The following GARNL3 variants were observed in gnomAD, a reference collection of about 807,000 sequenced individuals.
GARNL3 encodes GTPase activating Rap/RanGAP domain like 3.
In GARNL3, 63 loss-of-function variants were observed where a neutral mutation model predicts 125.0. That is an observed-to-expected ratio of 0.50 (90% confidence interval 0.41 to 0.62). GARNL3 has a LOEUF of 0.62. Among genes scored for constraint, GARNL3 ranks in the 20% least tolerant of loss-of-function variants. The pLI is 0.00. For synonymous variants in GARNL3, 439 were observed against 457.5 expected (o/e 0.96, Z 0.52); for missense variants, 994 against 1,244.0 (o/e 0.80, Z 3.02).
At chr9:127,268,541 G>T (rs759685147) in intron 1 of GARNL3, among the ~76,000 whole-genome samples, 1 of 151,858 alleles carries the variant, frequency 6.6e-6, no homozygotes, top group Non-Finnish European at 1.5e-5. Flanking sequence ...TTCTTTTTTA[G>T]TTTATTTTTT....
At chr9:127,327,447 G>A (rs1010116000) in intron 7 of GARNL3, among the ~76,000 whole-genome samples, 1 of 152,224 alleles carries the variant, frequency 6.6e-6, no homozygotes, top group Non-Finnish European at 1.5e-5. Flanking sequence ...TGAACATGTG[G>A]ATGTAAATAC....
chr9:127,375,452 CAA>C, intron 22 of GARNL3, among the ~76,000 whole-genome samples: 1 of 130,452 alleles, frequency 7.7e-6, no homozygotes, highest in South Asian at 2.4e-4. Flanking sequence ...GGTGACAGAG[CAA>C]GACTCTGTCT....
chr9:127,285,941 A>G (rs1296971814), intron 1 of GARNL3, among the ~76,000 whole-genome samples: 2 of 152,182 alleles, frequency 1.3e-5, no homozygotes, highest in Non-Finnish European at 2.9e-5. Context: ...AGGGAAATGT[A>G]ACCAATTCAT....
chr9:127,385,002 A>G lies in GARNL3; in HGVS notation c.2270-25A>G, dbSNP rs1164796163. ...CGCGGCCACCAAGCCAGCAGCTGGG[A>G]GGTGACACTCCCGTTCCCTTGCAGT... is the stretch of plus-strand genomic sequence containing the variant. On this transcript the variant is annotated intron_variant, in intron 23 of 27. Transcript: ENST00000373387. This position sits in a 1 kb window ranked among gnomAD's most constrained non-coding sequence, Gnocchi z 4.1. 6.8e-7 allele frequency: 1 copy of G among 1,466,466 alleles called. No individual in the cohort carries two copies. Among genetic ancestry groups the G allele is most frequent in the South Asian group, 1.2e-5 (1 of 84,784 alleles). The allele number at this position is 1,466,466 out of a possible 1,614,324, so 90.8% of individuals were successfully genotyped here.
intron 1 of GARNL3, among the ~76,000 whole-genome samples, chr9:127,231,911 C>T (rs1261439007): frequency 6.6e-6 from 1 of 152,158 alleles, no homozygotes; most frequent in Non-Finnish European, 1.5e-5. Flanking sequence ...GTTTTTAACA[C>T]GCTCATAAAT....
chr9:127,377,411 G>T (rs1831979386), intron 22 of GARNL3, among the ~76,000 whole-genome samples: 1 of 152,122 alleles, frequency 6.6e-6, no homozygotes, highest in Non-Finnish European at 1.5e-5. Context: ...TAAAAAGTCA[G>T]TGTCTGAAAT....
At chr9:127,387,468 C>T (rs1020949525) in intron 25 of GARNL3, 137 bp downstream of exon 25, 8 of 897,874 alleles carry the variant, frequency 8.9e-6, no homozygotes, top group South Asian at 7.3e-5. Context: ...ACTAGCTGAG[C>T]GTGGTGGCTC....
intron 1 of GARNL3, among the ~76,000 whole-genome samples, chr9:127,273,882 C>G (rs1439779650): frequency 1.3e-5 from 2 of 152,102 alleles, no homozygotes; most frequent in African/African-American, 4.8e-5. Context: ...CTAGGAAGCT[C>G]CGAACTCCAT....
intron 17 of GARNL3, among the ~76,000 whole-genome samples, chr9:127,349,492 G>C (rs1830315498): frequency 6.6e-6 from 1 of 151,970 alleles, no homozygotes. Flanking sequence ...ACCCATTTTT[G>C]ATGGATATAG....
At position 127,354,391 on chromosome 9, in the gene GARNL3, C is replaced by A. The variant is rs771642419; in HGVS notation, c.1740C>A (p.Asn580Lys). 1 of 1,609,324 alleles carries A rather than the reference C, an allele frequency of 6.2e-7. No homozygotes were observed. Among genetic ancestry groups the A allele is most frequent in the East Asian group, 2.2e-5 (1 of 44,782 alleles). ...AGAGCAGGTCTGACTGCAGAGAAAA[C>A]AAGTTGGAGAAAACAAAAGGTGACT... is the stretch of plus-strand genomic sequence containing the variant. Reference protein sequence around the residue: ...AGKSRSDCRENKLEKTKGCHL... With the variant: ...AGKSRSDCREKKLEKTKGCHL... The change falls in exon 19 of 28, where the codon AAC (asparagine) becomes AAA (lysine). Residue 580 changes from asparagine to lysine, a missense_variant. Around this residue, in one of 5 missense-constraint regions of GARNL3, gnomAD observed 728 missense variants for 865.7 expected, o/e 0.84. Coordinates refer to ENST00000373387, the MANE Select transcript of GARNL3 (RefSeq NM_032293.5).
upstream of GARNL3, chr9:127,264,078 A>T (rs2063649938): frequency 1.1e-6 from 1 of 895,320 alleles, no homozygotes; most frequent in African/African-American, 1.7e-5. Context: ...ATATAATTTT[A>T]TTTTCTATGT....
chr9:127,376,126 A>T (rs1433718321), intron 22 of GARNL3, among the ~76,000 whole-genome samples: 1 of 152,002 alleles, frequency 6.6e-6, no homozygotes, highest in Non-Finnish European at 1.5e-5. Context: ...CGCCCAGCTA[A>T]TTTTTGTATT....
intron 24 of GARNL3, among the ~76,000 whole-genome samples, chr9:127,386,555 A>G (rs1441636198): frequency 1.3e-5 from 2 of 152,256 alleles, no homozygotes; most frequent in Non-Finnish European, 2.9e-5. Flanking sequence ...GTTGGTGTCA[A>G]TAACTCCAGA....
At chr9:127,300,304 G>T in intron 2 of GARNL3, 1 of 253,102 alleles carries the variant, frequency 4.0e-6, no homozygotes, top group Non-Finnish European at 8.0e-6. Flanking sequence ...CATGTTACAT[G>T]TTTCTTCTCT....
intron 2 of GARNL3, 64 bp downstream of exon 2, chr9:127,291,306 G>T: frequency 1.4e-6 from 2 of 1,401,652 alleles, no homozygotes; most frequent in Non-Finnish European, 2.0e-6. Flanking sequence ...CTGGGATATA[G>T]CAGTGAAAGA....
rs2063229213 is a variant in GARNL3 at position 127,242,973 on chromosome 9, CT to C, written c.-28-104del. On this transcript the variant is annotated intron_variant, in intron 1 of 10. Coordinates refer to the GARNL3 transcript ENST00000439286. This position sits in a 1 kb window ranked among gnomAD's most constrained non-coding sequence, Gnocchi z 4.6. ...AGGGTGCTTCAGTGTCACCCTCCTC[CT>C]TGCTTACCAGCGGGGCTGCCTTTGG... The C allele has an allele frequency of 9.7e-7, 1 of 1,028,724 alleles. No individual in the cohort carries two copies. The highest frequency in any genetic ancestry group is 1.3e-6 in the Non-Finnish European group (1 of 779,746). The allele number at this position is 1,028,724 out of a possible 1,614,324, so 63.7% of individuals were successfully genotyped here. A position where few individuals can be genotyped will look rare whatever the true frequency, so the allele number is the denominator to read the frequency against.
In GARNL3 at chr9:127,335,641, C is replaced by CT. The variant is rs59829584; in HGVS notation, c.873+317dup. On this transcript the variant is annotated intron_variant, in intron 10 of 27. Coordinates refer to ENST00000373387, the MANE Select transcript of GARNL3 (RefSeq NM_032293.5). Reference sequence around the variant, plus strand: ...TTCATAGACTCTTTTTTGTCTCTCTCTTTTTTTTTAATATATTTGATTCAA... The same window carrying CT: ...TTCATAGACTCTTTTTTGTCTCTCTCTTTTTTTTTTAATATATTTGATTCAA... Among the ~76,000 whole-genome samples the CT allele has an allele frequency of 3.7e-3, 564 of 151,356 alleles. 9 individuals are homozygous for CT. The East Asian group carries it at 0.07, about 19-fold the overall frequency.
At chr9:127,297,372 C>T (rs2812278) in intron 2 of GARNL3, among the ~76,000 whole-genome samples, 2 of 152,178 alleles carry the variant, frequency 1.3e-5, no homozygotes, top group Non-Finnish European at 2.9e-5. Flanking sequence ...CTCCTGGGCT[C>T]AAGTAATTCG....
In GARNL3 at chr9:127,348,981, C is replaced by T. The variant is rs763062884; in HGVS notation, c.1489C>T (p.Pro497Ser). The stretch of plus-strand genomic sequence containing the variant: ...CCCTCATGAAGCCGTGTGTGCAGAT[C>T]CCTGGGGCCAGGCCTTGCTGGTTTC... Reference protein sequence around the residue: ...NFPHEAVCADPWGQALLVSTD... With the variant: ...NFPHEAVCADSWGQALLVSTD... Residue 497 changes from proline (P) to serine (S), a missense_variant, in exon 17 of 28, where the codon CCC becomes TCC. Physicochemically the swap from Pro to Ser is moderately conservative, Grantham distance 74 (BLOSUM62 -1). This residue lies in a region of GARNL3 where 728 missense variants were observed against 865.7 expected (regional missense o/e 0.84). Transcript: ENST00000373387. 16 of 1,614,014 alleles carry T rather than the reference C, an allele frequency of 9.9e-6. No homozygotes were observed. The Admixed American group carries it at 2.7e-4, about 27-fold the overall frequency.
Sources: allele counts gnomAD v4.1 joint callset (sites outside exome capture counted in the v4.1 genomes callset), GRCh38; gene constraint gnomAD v4.1.1; regional missense constraint gnomAD v4.1.1; non-coding constraint Gnocchi (gnomAD v3.1); transcripts MANE v1.5; gene names NCBI Gene and HGNC (gene_info 2026-07-23, HGNC 2026-07-21).